PDIA5: variants seen among roughly 807,000 people sequenced by gnomAD.
PDIA5 encodes protein disulfide-isomerase A5.
Under a neutral mutation model 77.6 loss-of-function variants are expected in PDIA5, and 58 were observed. The observed-to-expected ratio is 0.75, with a 90% CI of 0.61 to 0.93. PDIA5 has a LOEUF of 0.93. Among genes scored for constraint, PDIA5 ranks in the 40% least tolerant of loss-of-function variants. The pLI is 0.00. For synonymous variants in PDIA5, 250 were observed against 252.1 expected, an observed-to-expected ratio of 0.99 and a Z score of 0.08; for missense variants, 630 against 647.7, an observed-to-expected ratio of 0.97 and a Z score of 0.30.
chr3:123,102,843 C>T (rs369886851), intron 5 of PDIA5, 47 bp downstream of exon 5: 43 of 1,279,550 alleles, frequency 3.4e-5, no homozygotes, highest in South Asian at 1.9e-4. Flanking sequence ...TCTAAATGGA[C>T]GCCCAAAGTC....
At chr3:123,145,678 T>A in intron 12 of PDIA5, 86 bp downstream of exon 12, 1 of 1,157,190 alleles carries the variant, frequency 8.6e-7, no homozygotes, top group East Asian at 2.4e-5. Flanking sequence ...CTGCAAGCCC[T>A]GCTGCAGCTC....
intron 5 of PDIA5, among the ~76,000 whole-genome samples, chr3:123,106,272 A>G (rs1934730563): frequency 6.6e-6 from 1 of 152,252 alleles, no homozygotes; most frequent in Non-Finnish European, 1.5e-5. Flanking sequence ...ATAAGTAGGT[A>G]TGATGATCTG....
chr3:123,089,814 G>A (rs1934237525), intron 2 of PDIA5, among the ~76,000 whole-genome samples: 1 of 152,248 alleles, frequency 6.6e-6, no homozygotes, highest in Non-Finnish European at 1.5e-5. Context: ...AATTTGGAGT[G>A]GGCTCTAAGC....
chr3:123,068,108 C>T (rs1933626710), intron 1 of PDIA5, among the ~76,000 whole-genome samples: 1 of 152,096 alleles, frequency 6.6e-6, no homozygotes, highest in Non-Finnish European at 1.5e-5. Context: ...ATATTGTGGC[C>T]TCCTTCCCCA....
intron 11 of PDIA5, among the ~76,000 whole-genome samples, chr3:123,142,793 C>T (rs1296236817): frequency 1.3e-5 from 2 of 152,164 alleles, no homozygotes; most frequent in Admixed American, 1.3e-4. Context: ...GCCCTGGCAG[C>T]GGAATTCTGC....
intron 3 of PDIA5, among the ~76,000 whole-genome samples, chr3:123,097,297 C>A (rs1934468847): frequency 6.6e-6 from 1 of 152,106 alleles, no homozygotes; most frequent in Non-Finnish European, 1.5e-5. Flanking sequence ...GTTGGAGTGA[C>A]ACATCCCCTT....
In PDIA5 at chr3:123,130,553, G is replaced by A. The variant is rs145568670; in HGVS notation, c.847G>A (p.Asp283Asn). 141 of 1,614,110 alleles carry A rather than the reference G, an allele frequency of 8.7e-5. No homozygotes were observed. In the African/African-American group the frequency reaches 1.4e-3, roughly 16 times the overall value. Residue 283 changes from aspartate (D) to asparagine (N), a missense_variant, in exon 11 of 17, where the codon GAT becomes AAT. Physicochemically the swap from Asp to Asn is conservative, Grantham distance 23 (BLOSUM62 1). Coordinates refer to ENST00000316218, the MANE Select transcript of PDIA5 (RefSeq NM_006810.4). ...DEGGSVYHLTDEDFDQFVKEH... is the reference protein window; with the variant it reads ...DEGGSVYHLTNEDFDQFVKEH... Reference sequence around the variant, plus strand: ...GGGCGGCTCCGTTTATCACCTGACCGATGAAGACTTTGACCAGTTTGTGAA... The same window carrying A: ...GGGCGGCTCCGTTTATCACCTGACCAATGAAGACTTTGACCAGTTTGTGAA...
chr3:123,133,554 G>A (rs1935420022), intron 11 of PDIA5, among the ~76,000 whole-genome samples: 1 of 152,226 alleles, frequency 6.6e-6, no homozygotes, highest in East Asian at 1.9e-4. Flanking sequence ...TCCTCACTGT[G>A]ATGGGGAGAA....
At chr3:123,117,374 T>TATATATATATATATATA in intron 8 of PDIA5, among the ~76,000 whole-genome samples, 2 of 79,872 alleles carry the variant, frequency 2.5e-5, no homozygotes, top group South Asian at 5.7e-4. Context: ...TTCTATGATT[T>TATATATATATATATATA]TATATATATA....
chr3:123,073,871 G>A (rs1353061119), intron 1 of PDIA5, among the ~76,000 whole-genome samples: 1 of 152,242 alleles, frequency 6.6e-6, no homozygotes, highest in Non-Finnish European at 1.5e-5. Context: ...AATCCTTGTT[G>A]GAAGATGTTG....
intron 15 of PDIA5, among the ~76,000 whole-genome samples, chr3:123,158,120 A>G (rs1936060424): frequency 6.6e-6 from 1 of 152,256 alleles, no homozygotes; most frequent in Non-Finnish European, 1.5e-5. Context: ...TGAACTCCCC[A>G]CAGTCATGAC....
At chr3:123,152,925 T>A (rs1163989648) in intron 14 of PDIA5, among the ~76,000 whole-genome samples, 1 of 151,598 alleles carries the variant, frequency 6.6e-6, no homozygotes, top group Non-Finnish European at 1.5e-5. Flanking sequence ...TTCCCCACTC[T>A]GGGAGGCGTC....
At chr3:123,073,502 A>G (rs146191454) in intron 1 of PDIA5, among the ~76,000 whole-genome samples, 1 of 152,208 alleles carries the variant, frequency 6.6e-6, no homozygotes, top group African/African-American at 2.4e-5. Context: ...CCTTCCCCCA[A>G]GGAGCTCCAG....
intron 8 of PDIA5, 50 bp downstream of exon 8, chr3:123,116,348 C>T (rs368981698): frequency 2.7e-5 from 34 of 1,243,294 alleles, no homozygotes; most frequent in East Asian, 4.7e-5. Flanking sequence ...TTGGACTTGG[C>T]GGAGGAAGGG....
At chr3:123,104,741 A>ATGAC (rs1934688945) in intron 5 of PDIA5, among the ~76,000 whole-genome samples, 2 of 152,200 alleles carry the variant, frequency 1.3e-5, no homozygotes, top group Non-Finnish European at 2.9e-5. Flanking sequence ...CTGGATTCAG[A>ATGAC]TGACTCACTG....
At chr3:123,120,798 A>AC (rs1047725805) in intron 8 of PDIA5, among the ~76,000 whole-genome samples, 2 of 147,028 alleles carry the variant, frequency 1.4e-5, no homozygotes, top group African/African-American at 5.1e-5. Flanking sequence ...CTCTTTCCCC[A>AC]CCCCCCACCT....
intron 5 of PDIA5, among the ~76,000 whole-genome samples, chr3:123,105,813 G>A (rs1934714941): frequency 6.6e-6 from 1 of 152,090 alleles, no homozygotes; most frequent in Non-Finnish European, 1.5e-5. Context: ...AAAGTTGACA[G>A]AAGTAACAGA....
intron 11 of PDIA5, among the ~76,000 whole-genome samples, 200 bp downstream of exon 11, chr3:123,130,816 A>G (rs1294812496): frequency 6.6e-6 from 1 of 152,176 alleles, no homozygotes; most frequent in Non-Finnish European, 1.5e-5. Flanking sequence ...CATGGAAACA[A>G]CACAGAAGTC....
At chr3:123,093,983 G>A (rs748811267) in intron 3 of PDIA5, among the ~76,000 whole-genome samples, 88 of 152,200 alleles carry the variant, frequency 5.8e-4, no homozygotes, top group Non-Finnish European at 1.2e-3. Context: ...TGCAGCGCAG[G>A]GTGCCTGAGT....
Sources: allele counts gnomAD v4.1 joint callset (sites outside exome capture counted in the v4.1 genomes callset), GRCh38; gene constraint gnomAD v4.1.1; transcripts MANE v1.5; gene names NCBI Gene and HGNC (gene_info 2026-07-23, HGNC 2026-07-21).